The following CPD variants were observed in gnomAD, a reference collection of about 807,000 sequenced individuals.
CPD encodes metallocarboxypeptidase D.
Under a neutral mutation model 138.3 loss-of-function variants are expected in CPD, and 69 were observed. The observed-to-expected ratio is 0.50, with a 90% CI of 0.41 to 0.61. The LOEUF (loss-of-function observed/expected upper bound fraction) is 0.61. Ranked by LOEUF, CPD falls within the 20% of genes least tolerant of loss-of-function variation. CPD has a pLI of 0.00. For missense variants in CPD, 1,432 were observed against 1,733.3 expected, an observed-to-expected ratio of 0.83 and a Z score of 3.09; for synonymous variants, 651 against 642.1, an observed-to-expected ratio of 1.01 and a Z score of -0.21.
rs536269364 is a variant in CPD, at chr17:30,443,451, T to C, written c.2374-351T>C. ...ATTGCATTGGATTATTATATCTCTT[T>C]ACTATTCTTTGAACTATAAGAGTCC... On this transcript the variant is annotated intron_variant, in intron 10 of 20. Coordinates refer to ENST00000225719, the MANE Select transcript of CPD (RefSeq NM_001304.5). 5.9e-5 allele frequency among the ~76,000 whole-genome samples: 9 copies of C among 152,332 alleles called. No individual in the cohort carries two copies. In the South Asian group the frequency reaches 1.9e-3, roughly 32 times the overall value.
At chr17:30,446,995 A>G (rs374418576) in intron 12 of CPD, among the ~76,000 whole-genome samples, 2 of 152,098 alleles carry the variant, frequency 1.3e-5, no homozygotes, top group South Asian at 2.1e-4. Flanking sequence ...GTCTGTTCAT[A>G]TCCTTCACCC....
At chr17:30,392,271 A>G (rs1162706760) in intron 2 of CPD, among the ~76,000 whole-genome samples, 1 of 152,088 alleles carries the variant, frequency 6.6e-6, no homozygotes, top group East Asian at 1.9e-4. Flanking sequence ...CGGCCTCCCA[A>G]AGTGCTAGGA....
At chr17:30,459,955 A>G (rs1046734727) in intron 17 of CPD, among the ~76,000 whole-genome samples, 10 of 152,202 alleles carry the variant, frequency 6.6e-5, no homozygotes, top group African/African-American at 2.4e-4. Context: ...CTAAGAACTT[A>G]CTACTGGGAG....
intron 1 of CPD, among the ~76,000 whole-genome samples, chr17:30,382,319 T>C (rs895654281): frequency 3.3e-5 from 5 of 152,190 alleles, no homozygotes; most frequent in African/African-American, 1.2e-4. Flanking sequence ...TATAAACTCA[T>C]TTGTAATATC....
intron 2 of CPD, among the ~76,000 whole-genome samples, chr17:30,401,046 T>C (rs553446812): frequency 2.6e-5 from 4 of 152,240 alleles, no homozygotes; most frequent in Non-Finnish European, 1.5e-5. Flanking sequence ...GTTTGTTGTT[T>C]TTGCTGTTTG....
intron 8 of CPD, among the ~76,000 whole-genome samples, chr17:30,438,660 A>AT (rs1402843523): frequency 2.0e-5 from 3 of 152,046 alleles, no homozygotes; most frequent in Admixed American, 6.6e-5. Flanking sequence ...ATGAGCAGAA[A>AT]TTTTTTTTAG....
At position 30,378,946 on chromosome 17, in the gene CPD, G is replaced by C. The variant is rs1425299735; in HGVS notation, c.-35G>C. ...CCCGCCGCCCGGAGCGCTGAGCCGC[G>C]GGAGCGGAGCCGGGGTTAGCGGCGC... On this transcript the variant is annotated 5_prime_UTR_variant, in exon 1 of 21. Coordinates refer to ENST00000225719, the MANE Select transcript of CPD (RefSeq NM_001304.5). The C allele has an allele frequency of 5.6e-6, 8 of 1,425,056 alleles. No individual in the cohort carries two copies. The highest frequency in any genetic ancestry group is 7.2e-6 in the Non-Finnish European group (8 of 1,103,638). The allele number at this position is 1,425,056 out of a possible 1,614,324, so 88.3% of individuals were successfully genotyped here. A position where few individuals can be genotyped will look rare whatever the true frequency, so the allele number is the denominator to read the frequency against.
intron 17 of CPD, among the ~76,000 whole-genome samples, chr17:30,460,094 A>G (rs761257026): frequency 6.6e-6 from 1 of 152,218 alleles, no homozygotes; most frequent in Non-Finnish European, 1.5e-5. Context: ...AATTAAAGAC[A>G]CAAAAAATTA....
At chr17:30,428,743 T>G (rs1359692154) in intron 7 of CPD, among the ~76,000 whole-genome samples, 1 of 152,170 alleles carries the variant, frequency 6.6e-6, no homozygotes, top group African/African-American at 2.4e-5. Flanking sequence ...GAGTGACTGC[T>G]AATGGATTTT....
rs149444194 is a variant in CPD at position 30,422,788 on chromosome 17, A to T, written c.1422A>T (p.Val474=). 11 of 1,614,116 alleles carry T rather than the reference A, an allele frequency of 6.8e-6. No homozygotes were observed. The African/African-American group carries it at 1.5e-4, about 22-fold the overall frequency. ...TAATCCCTGACACGACAGAGGCTGT[A>T]TCAACTGCTAGCACAGTTGCTATAC... ...TSVIPDTTEA[V]STASTVAIPN... Residue 474 remains valine, a synonymous_variant, in exon 5 of 21, where the codon GTA becomes GTT. Coordinates refer to ENST00000225719, the MANE Select transcript of CPD (RefSeq NM_001304.5).
At chr17:30,432,817 G>A (rs1164208738) in intron 8 of CPD, among the ~76,000 whole-genome samples, 1 of 152,152 alleles carries the variant, frequency 6.6e-6, no homozygotes, top group Non-Finnish European at 1.5e-5. Flanking sequence ...TACTTAGGAG[G>A]CTGAGGTGGG....
rs1348184352 is a variant in CPD, at chr17:30,465,915, T to C, written c.*1101T>C. ...TCTTGTTCACATAGGCCTCTGGGAG[T>C]GATTTGGTTCTTTGCCCTAATGTTT... On this transcript the variant is annotated 3_prime_UTR_variant, in exon 21 of 21. Transcript: ENST00000225719. 1 of 152,414 alleles carries C rather than the reference T, an allele frequency of 6.6e-6. No homozygotes were observed. The highest frequency in any genetic ancestry group is 2.4e-5 in the African/African-American group (1 of 41,382). The allele number at this position is 152,414 out of a possible 1,614,324, so 9.4% of individuals were successfully genotyped here. A position where few individuals can be genotyped will look rare whatever the true frequency, so the allele number is the denominator to read the frequency against.
Position 30,462,354 on chromosome 17 carries a change from C to A in CPD, c.3817-16C>A. ...TAAGCAGAATTTGTCATGATTCTTA[C>A]ACTTTCTCCTTCTAGGTCTTTGTGC... is the stretch of plus-strand genomic sequence containing the variant. On this transcript the variant is annotated splice_polypyrimidine_tract_variant and intron_variant, in intron 19 of 20. Transcript: ENST00000225719. 6.3e-7 allele frequency: 1 copy of A among 1,599,444 alleles called. No homozygotes were observed. Among genetic ancestry groups the A allele is most frequent in the Non-Finnish European group, 8.6e-7 (1 of 1,167,284 alleles).
rs559493223 is a variant in CPD at position 30,381,288 on chromosome 17, C to T, written c.746+1562C>T. ...TACAACAAATGCACCGTTTGCATTG[C>T]TTAAATGTTTAAAATGCTCTGTCCT... On this transcript the variant is annotated intron_variant, in intron 1 of 20. Coordinates refer to ENST00000225719, the MANE Select transcript of CPD (RefSeq NM_001304.5). Among the ~76,000 whole-genome samples, 20 of 152,262 alleles carry T rather than the reference C, an allele frequency of 1.3e-4. No individual in the cohort carries two copies. In the East Asian group the frequency reaches 3.9e-3, roughly 29 times the overall value.
intron 2 of CPD, among the ~76,000 whole-genome samples, chr17:30,387,756 C>T (rs963975854): frequency 6.6e-6 from 1 of 152,146 alleles, no homozygotes; most frequent in Non-Finnish European, 1.5e-5. Context: ...GCCATATGTA[C>T]CCAAAATGGG....
At chr17:30,395,290 C>T (rs1313640208) in intron 2 of CPD, among the ~76,000 whole-genome samples, 1 of 148,752 alleles carries the variant, frequency 6.7e-6, no homozygotes, top group Non-Finnish European at 1.5e-5. Flanking sequence ...TATTAATTCT[C>T]AGCCTGATCA....
chr17:30,427,175 C>T (rs552452513), intron 6 of CPD, among the ~76,000 whole-genome samples: 4 of 148,528 alleles, frequency 2.7e-5, no homozygotes, highest in African/African-American at 9.9e-5. Flanking sequence ...GAGTGAGACT[C>T]CATCTCAAAA....
intron 7 of CPD, among the ~76,000 whole-genome samples, chr17:30,429,009 T>C (rs1444166492): frequency 6.6e-6 from 1 of 152,206 alleles, no homozygotes; most frequent in Admixed American, 6.5e-5. Flanking sequence ...CCTGCCATTT[T>C]AGAATGACAG....
Position 30,412,335 on chromosome 17 carries a change from G to A in CPD, c.995-8506G>A, listed in dbSNP as rs192531893. On this transcript the variant is annotated intron_variant, in intron 2 of 20. Transcript: ENST00000225719. The stretch of plus-strand genomic sequence containing the variant: ...TCCCAGTCAGTCTACATGGGATCAG[G>A]GACCCACTTGAAGAGGCAGTCTGTT... Among the ~76,000 whole-genome samples, 38 of 152,332 alleles carry A rather than the reference G, an allele frequency of 2.5e-4. No individual in the cohort carries two copies. The East Asian group carries it at 7.3e-3, about 29-fold the overall frequency.
Sources: gnomAD v4.1 joint callset for allele counts (sites outside exome capture counted in the v4.1 genomes callset) on GRCh38, gnomAD v4.1.1 for gene constraint, MANE v1.5 for transcripts, NCBI Gene and HGNC (gene_info 2026-07-23, HGNC 2026-07-21) for gene names.